Variants in SLC45A4 observed in about 807,000 individuals in gnomAD.
The protein encoded by SLC45A4 is solute carrier family 45 member 4.
Under a neutral mutation model 63.7 loss-of-function variants are expected in SLC45A4, and 32 were observed. That is an observed-to-expected ratio of 0.50 (90% CI 0.38 to 0.67). The LOEUF is 0.67. Ranked by LOEUF, SLC45A4 falls within the 30% of genes least tolerant of loss-of-function variation. SLC45A4 has a pLI of 0.00. For synonymous variants in SLC45A4, 535 were observed against 510.0 expected, an observed-to-expected ratio of 1.05 and a Z score of -0.66; for missense variants, 1,027 against 1,157.7, an observed-to-expected ratio of 0.89 and a Z score of 1.64.
chr8:141,254,137 T>G lies in SLC45A4; in HGVS notation c.93A>C (p.Ala31=). The G allele has an allele frequency of 1.3e-6, 2 of 1,536,182 alleles. No homozygotes were observed. Among genetic ancestry groups the G allele is most frequent in the Non-Finnish European group, 1.7e-6 (2 of 1,146,920 alleles). ...PLPDPQKAGG[A]EAENCETISE... The stretch of plus-strand genomic sequence containing the variant: ...TGATGGTCTCGCAGTTCTCGGCCTC[T>G]GCGCCTCCGGCTTTCTGCGGGTCCG... The change falls in exon 2 of 9, where the codon GCA becomes GCC. Residue 31 remains alanine, a synonymous_variant. Coordinates refer to ENST00000517878, the MANE Select transcript of SLC45A4 (RefSeq NM_001286646.2). This position sits in a 1 kb window ranked among gnomAD's most constrained non-coding sequence, Gnocchi z 4.5.
rs760592312 is a variant in SLC45A4 at position 141,218,151 on chromosome 8, G to A, written c.1489C>T (p.Leu497=). 6.2e-7 allele frequency: 1 copy of A among 1,610,150 alleles called. No homozygotes were observed. The highest frequency in any genetic ancestry group is 1.1e-5 in the South Asian group (1 of 91,086). Residue 497 remains leucine, a synonymous_variant, in exon 5 of 9, where the codon CTG becomes TTG. Transcript: ENST00000517878. ...GGCATCTTCAGCATGGAGAGCCACA[G>A]CAGGCGCACCGTGGTCTCGCCCTCC... ...EGEGETTVRL[L]WLSMLKMPRE... is the part of the protein sequence containing the mutation.
At chr8:141,284,305 C>A (rs1240303659) in intron 1 of SLC45A4, among the ~76,000 whole-genome samples, 4 of 152,314 alleles carry the variant, frequency 2.6e-5, no homozygotes, top group Admixed American at 1.3e-4. Flanking sequence ...GAACAGGTGG[C>A]CACAGGGCCA....
intron 1 of SLC45A4, among the ~76,000 whole-genome samples, chr8:141,271,526 C>T (rs962262103): frequency 1.3e-5 from 2 of 152,184 alleles, no homozygotes; most frequent in Non-Finnish European, 2.9e-5. Context: ...GCCCCTACCT[C>T]GAGAGGCTGT....
intron 1 of SLC45A4, among the ~76,000 whole-genome samples, chr8:141,307,887 A>C (rs1830949903): frequency 6.8e-6 from 1 of 146,756 alleles, no homozygotes; most frequent in African/African-American, 2.5e-5. Context: ...GGCGGGAAGG[A>C]ATTGGGGGGC....
At chr8:141,248,460 TCAGGAGGCTGAGG>T (rs1828317523) in intron 2 of SLC45A4, among the ~76,000 whole-genome samples, 3 of 151,940 alleles carry the variant, frequency 2.0e-5, no homozygotes, top group Admixed American at 2.0e-4. Flanking sequence ...TCCAAGCTAC[TCAGGAGGCTGAGG>T]CGGGAGGATC....
Position 141,254,908 on chromosome 8 carries a change from A to G in SLC45A4, c.-400-279T>C, listed in dbSNP as rs1438877940. ...ACAGACAGAGAAAAACGCTGGAAAT[A>G]TTCACTCTTTGGCCAGTAACAATAT... On this transcript the variant is annotated intron_variant, in intron 1 of 8. Transcript: ENST00000517878. The surrounding 1 kb of genome is among the most constrained non-coding windows in gnomAD (Gnocchi z 4.5). 5.3e-6 allele frequency: 2 copies of G among 377,404 alleles called. No individual in the cohort carries two copies. The highest frequency in any genetic ancestry group is 1.0e-5 in the Non-Finnish European group (2 of 192,354). The allele number at this position is 377,404 out of a possible 1,614,324, so 23.4% of individuals were successfully genotyped here.
chr8:141,269,884 G>A (rs1013125253), intron 1 of SLC45A4, among the ~76,000 whole-genome samples: 9 of 152,252 alleles, frequency 5.9e-5, no homozygotes, highest in Middle Eastern at 3.4e-3. Flanking sequence ...AGCGGACACC[G>A]TATGGCCACA....
At chr8:141,243,220 C>T (rs574770785) in intron 2 of SLC45A4, among the ~76,000 whole-genome samples, 114 of 152,300 alleles carry the variant, frequency 7.5e-4, no homozygotes, top group African/African-American at 2.6e-3. Flanking sequence ...TGTGGCTCAG[C>T]AGGTCCTCCA....
chr8:141,282,827 G>T (rs527991732), intron 1 of SLC45A4, among the ~76,000 whole-genome samples: 26 of 152,392 alleles, frequency 1.7e-4, no homozygotes, highest in African/African-American at 5.8e-4. Flanking sequence ...CTCCTTTCCC[G>T]CTCAAGTGCC....
chr8:141,221,568 G>GA lies in SLC45A4; in HGVS notation c.430+8dup. ...TTGTGAGGACACCAGGTGTGGCCGA[G>GA]AAACTTACCGATGGCAGAGCCGTTA... On this transcript the variant is annotated intron_variant, in intron 3 of 8. Transcript: ENST00000517878. The GA allele has an allele frequency of 6.2e-7, 1 of 1,610,494 alleles. No individual in the cohort carries two copies.
rs1004484347 is a variant in SLC45A4, at chr8:141,215,393, C to G, written c.1941+366G>C. 1.1e-4 allele frequency among the ~76,000 whole-genome samples: 16 copies of G among 152,326 alleles called. No individual in the cohort carries two copies. The South Asian group carries it at 1.2e-3, about 12-fold the overall frequency. ...TTTCTAAACGTGGCCGCCAGGAAGTCTAGGCATACCTGGGTGGCTTTCCTC... is the reference window on the plus strand; with the variant it reads ...TTTCTAAACGTGGCCGCCAGGAAGTGTAGGCATACCTGGGTGGCTTTCCTC... On this transcript the variant is annotated intron_variant, in intron 7 of 8. Transcript: ENST00000517878. The surrounding 1 kb of genome is among the most constrained non-coding windows in gnomAD (Gnocchi z 4.3).
intron 3 of SLC45A4, 135 bp downstream of exon 3, chr8:141,221,442 G>T: frequency 1.7e-6 from 2 of 1,143,482 alleles, no homozygotes; most frequent in South Asian, 1.6e-5. Flanking sequence ...CGCCAGGGTG[G>T]CCCCGGCAGC....
chr8:141,265,393 G>A (rs1829225020), intron 1 of SLC45A4, among the ~76,000 whole-genome samples: 1 of 152,252 alleles, frequency 6.6e-6, no homozygotes, highest in South Asian at 2.1e-4. Context: ...GGAGTGTGCA[G>A]GGAGGGGCTG....
intron 5 of SLC45A4, 148 bp from the exon 6 acceptor site, chr8:141,217,337 T>A (rs1826220096): frequency 2.7e-6 from 2 of 751,592 alleles, no homozygotes; most frequent in Non-Finnish European, 4.3e-6. Flanking sequence ...CCAGCCCAAG[T>A]CGGTTGCTAT....
chr8:141,301,465 G>A (rs1185749556), intron 1 of SLC45A4, among the ~76,000 whole-genome samples: 6 of 152,008 alleles, frequency 3.9e-5, no homozygotes, highest in African/African-American at 1.2e-4. Context: ...TCCATAGGTC[G>A]GGTGCAGTGG....
chr8:141,250,247 C>A (rs555371295), intron 2 of SLC45A4, among the ~76,000 whole-genome samples: 1 of 152,354 alleles, frequency 6.6e-6, no homozygotes, highest in South Asian at 2.1e-4. Flanking sequence ...GAAAGCCATA[C>A]ACATTCACTT....
At chr8:141,286,241 C>A (rs1268998346) in intron 1 of SLC45A4, among the ~76,000 whole-genome samples, 1 of 152,186 alleles carries the variant, frequency 6.6e-6, no homozygotes, top group Non-Finnish European at 1.5e-5. Context: ...GCTTGTGACA[C>A]CCCTTCCTTC....
intron 1 of SLC45A4, among the ~76,000 whole-genome samples, chr8:141,292,005 C>T (rs1019460438): frequency 1.3e-5 from 2 of 152,258 alleles, no homozygotes; most frequent in African/African-American, 2.4e-5. Context: ...GGTCTGGCCA[C>T]CGCGTTGGCC....
intron 1 of SLC45A4, among the ~76,000 whole-genome samples, chr8:141,296,921 A>T (rs1284047482): frequency 6.6e-6 from 1 of 151,644 alleles, no homozygotes; most frequent in African/African-American, 2.4e-5. Context: ...GCGATGTTTG[A>T]ACCAAGAAAT....
Sources: allele counts gnomAD v4.1 joint callset (sites outside exome capture counted in the v4.1 genomes callset), GRCh38; gene constraint gnomAD v4.1.1; non-coding constraint Gnocchi (gnomAD v3.1); transcripts MANE v1.5; gene names NCBI Gene and HGNC (gene_info 2026-07-23, HGNC 2026-07-21).